Variants in MMP24 observed in about 807,000 individuals in gnomAD.
The protein encoded by MMP24 is matrix metallopeptidase 24, also known as matrix metalloproteinase-24.
MMP24 carries 25 observed loss-of-function variants against 62.8 expected under a neutral mutation model. The ratio of observed to expected loss-of-function variants is 0.40; its 90% CI spans 0.29 to 0.56. The LOEUF (loss-of-function observed/expected upper bound fraction) is 0.56, where lower values mean the gene tolerates loss of function less well. MMP24 is among the 20% of genes least tolerant of loss of function. The pLI, the probability that MMP24 is intolerant of heterozygous loss-of-function variation, is 0.50. For missense variants in MMP24, 634 were observed against 853.6 expected (o/e 0.74, Z 3.21); for synonymous variants, 319 against 350.5 (o/e 0.91, Z 1.00).
Position 35,263,950 on chromosome 20 carries a change from A to G in MMP24, c.977A>G (p.Tyr326Cys). 1 of 1,603,412 alleles carries G rather than the reference A, an allele frequency of 6.2e-7. No individual in the cohort carries two copies. Among genetic ancestry groups the G allele is most frequent in the Non-Finnish European group, 8.5e-7 (1 of 1,174,070 alleles). ...GATCTCCAGGGCATCCAGAAGATCTATGGTGTGTGGCAGGGAGAGGGGGGA... is the reference window on the plus strand; with the variant it reads ...GATCTCCAGGGCATCCAGAAGATCTGTGGTGTGTGGCAGGGAGAGGGGGGA... ...QDDLQGIQKI[Y>C]GPPAEPLEPT... The change falls in exon 5 of 9, where the codon TAT (tyrosine) becomes TGT (cysteine). Residue 326 changes from tyrosine to cysteine, a missense_variant and splice_region_variant. By Grantham distance (194) the Tyr-to-Cys change is radical. Coordinates refer to ENST00000246186, the MANE Select transcript of MMP24 (RefSeq NM_006690.4).
Position 35,263,841 on chromosome 20 carries a change from C to T in MMP24, c.868C>T (p.Leu290=), listed in dbSNP as rs762730417. The change falls in exon 5 of 9, where the codon CTG becomes TTG. Residue 290 remains leucine (L), a synonymous_variant. Coordinates refer to ENST00000246186, the MANE Select transcript of MMP24 (RefSeq NM_006690.4). Reference sequence around the variant, plus strand: ...GCATGAGCTGGGCCACGCGCTGGGACTGGAGCACTCCAGCGACCCCAGCGC... The same window carrying T: ...GCATGAGCTGGGCCACGCGCTGGGATTGGAGCACTCCAGCGACCCCAGCGC... The part of the protein sequence containing the change: ...AVHELGHALG[L]EHSSDPSAIM... The T allele has an allele frequency of 1.9e-6, 3 of 1,609,748 alleles. No homozygotes were observed. Among genetic ancestry groups the T allele is most frequent in the African/African-American group, 1.3e-5 (1 of 74,950 alleles).
At chr20:35,264,187 A>C in intron 5 of MMP24, 3 of 350,866 alleles carry the variant, frequency 8.6e-6, no homozygotes, top group Non-Finnish European at 1.0e-5. Context: ...AGAGGGACAA[A>C]AGTGAGGTGA....
chr20:35,247,736 CA>C (rs772891027), intron 2 of MMP24, among the ~76,000 whole-genome samples: 1 of 152,148 alleles, frequency 6.6e-6, no homozygotes, highest in Non-Finnish European at 1.5e-5. Context: ...TCAGTGGGGC[CA>C]GCCACTCCAG....
intron 8 of MMP24, among the ~76,000 whole-genome samples, chr20:35,273,425 G>A (rs114957443): frequency 0.017 from 2,628 of 152,052 alleles, 54 homozygotes; most frequent in African/African-American, 0.05. Flanking sequence ...ATAAATGCTG[G>A]GAGAGAGCAA....
At chr20:35,263,741 C>G in intron 4 of MMP24, 50 bp from the exon 5 acceptor site, 2 of 1,430,360 alleles carry the variant, frequency 1.4e-6, no homozygotes, top group Non-Finnish European at 9.2e-7. Flanking sequence ...GGCTGACCGA[C>G]TCATATCTAA....
chr20:35,242,612 C>G (rs781514307), intron 1 of MMP24, among the ~76,000 whole-genome samples: 8 of 152,084 alleles, frequency 5.3e-5, no homozygotes, highest in Non-Finnish European at 8.8e-5. Flanking sequence ...CAAGCTAAAG[C>G]CTAATAGAAA....
rs1437497333 is a variant in MMP24 at position 35,274,276 on chromosome 20, C to T, written c.1605C>T (p.Tyr535=). 6.2e-7 allele frequency: 1 copy of T among 1,607,194 alleles called. No individual in the cohort carries two copies. Among genetic ancestry groups the T allele is most frequent in the South Asian group, 1.1e-5 (1 of 90,630 alleles). ...QGAFISKEGY[Y]TYFYKGRDYW... ...TGCTGGGCTGTATTTCTGCAGATTA[C>T]ACCTATTTCTACAAGGGCCGGGACT... Residue 535 remains tyrosine (Y), a synonymous_variant, in exon 9 of 9, where the codon TAC becomes TAT. Transcript: ENST00000246186. The surrounding 1 kb of genome is among the most constrained non-coding windows in gnomAD (Gnocchi z 5.1).
At chr20:35,248,722 T>C (rs2060528694) in intron 2 of MMP24, among the ~76,000 whole-genome samples, 2 of 152,214 alleles carry the variant, frequency 1.3e-5, no homozygotes, top group Admixed American at 1.3e-4. Context: ...ATTATGAGTG[T>C]GAACTTCTTC....
intron 3 of MMP24, among the ~76,000 whole-genome samples, chr20:35,253,270 CTT>C (rs34474017): frequency 0.22 from 17,390 of 78,702 alleles, 1,408 homozygotes; most frequent in Middle Eastern, 0.31. Context: ...CAGAACGGGA[CTT>C]TTTTTTTTTT....
In MMP24 at chr20:35,226,905, C is replaced by T; in HGVS notation, c.167C>T (p.Ala56Val). ...LPGAARAAAAAAGAGNRAAVA... is the reference protein window; with the variant it reads ...LPGAARAAAAVAGAGNRAAVA... Reference sequence around the variant, plus strand: ...GGCGCCGCGCGGGCGGCGGCGGCGGCGGCGGGGGCAGGGAACCGGGCAGCG... The same window carrying T: ...GGCGCCGCGCGGGCGGCGGCGGCGGTGGCGGGGGCAGGGAACCGGGCAGCG... Residue 56 changes from alanine (A) to valine (V), a missense_variant, in exon 1 of 9, where the codon GCG becomes GTG. Ala to Val is a moderately conservative substitution (Grantham distance 64). This residue lies in a region of MMP24 where 212 missense variants were observed against 259.6 expected (regional missense o/e 0.82). Transcript: ENST00000246186. 1 of 980,312 alleles carries T rather than the reference C, an allele frequency of 1.0e-6. No homozygotes were observed. Among genetic ancestry groups the T allele is most frequent in the Non-Finnish European group, 1.2e-6 (1 of 828,456 alleles). The allele number at this position is 980,312 out of a possible 1,614,324, so 60.7% of individuals were successfully genotyped here.
At chr20:35,258,949 G>C (rs1465833806) in intron 4 of MMP24, among the ~76,000 whole-genome samples, 5 of 149,100 alleles carry the variant, frequency 3.4e-5, no homozygotes, top group Non-Finnish European at 5.9e-5. Context: ...GGAGGCCGAG[G>C]GGGGGCAGAT....
rs372733664 is a variant in MMP24 at position 35,254,533 on chromosome 20, C to T, written c.596C>T (p.Thr199Ile). 32 of 1,613,866 alleles carry T rather than the reference C, an allele frequency of 2.0e-5. No homozygotes were observed. Among genetic ancestry groups the T allele is most frequent in the East Asian group, 8.9e-5 (4 of 44,892 alleles). Reference protein sequence around the residue: ...RQAFDVWQKVTPLTFEEVPYH... With the variant: ...RQAFDVWQKVIPLTFEEVPYH... Reference sequence around the variant, plus strand: ...GCTTTCGATGTGTGGCAGAAGGTGACCCCACTGACCTTTGAAGAGGTGCCA... The same window carrying T: ...GCTTTCGATGTGTGGCAGAAGGTGATCCCACTGACCTTTGAAGAGGTGCCA... Residue 199 changes from threonine to isoleucine, a missense_variant, in exon 4 of 9, where the codon ACC becomes ATC. Physicochemically the swap from Thr to Ile is moderately conservative, Grantham distance 89. Transcript: ENST00000246186.
intron 1 of MMP24, among the ~76,000 whole-genome samples, chr20:35,242,153 G>A (rs1043760690): frequency 2.6e-5 from 4 of 152,088 alleles, no homozygotes; most frequent in African/African-American, 9.7e-5. Flanking sequence ...CCAAAATGGT[G>A]AAACCCCGTC....
intron 4 of MMP24, chr20:35,256,225 C>A (rs534367553): frequency 6.6e-6 from 1 of 152,186 alleles, no homozygotes; most frequent in African/African-American, 2.4e-5. Context: ...ATATTGCTAT[C>A]TTCATTTTAC....
intron 3 of MMP24, among the ~76,000 whole-genome samples, chr20:35,253,868 G>GTTTTTTT (rs11474068): frequency 0.038 from 4,954 of 129,704 alleles, 336 homozygotes; most frequent in African/African-American, 0.14. Context: ...TTTCCTTTGG[G>GTTTTTTT]TTTTTTTTTT....
intron 8 of MMP24, chr20:35,272,113 A>G (rs2060673722): frequency 3.9e-6 from 2 of 516,714 alleles, no homozygotes; most frequent in Non-Finnish European, 6.8e-6. Context: ...ACTTATCCTC[A>G]GTGTACTCCA....
Position 35,274,291 on chromosome 20 carries a change from G to A in MMP24, c.1620G>A (p.Lys540=), listed in dbSNP as rs762582225. 1.1e-5 allele frequency: 18 copies of A among 1,611,286 alleles called. No individual in the cohort carries two copies. The South Asian group carries it at 1.8e-4, about 16-fold the overall frequency. The change falls in exon 9 of 9, where the codon AAG becomes AAA. Residue 540 remains lysine (K), a synonymous_variant. Transcript: ENST00000246186. The surrounding 1 kb of genome is among the most constrained non-coding windows in gnomAD (Gnocchi z 5.1). ...CTGCAGATTACACCTATTTCTACAAGGGCCGGGACTACTGGAAGTTTGACA... is the reference window on the plus strand; with the variant it reads ...CTGCAGATTACACCTATTTCTACAAAGGCCGGGACTACTGGAAGTTTGACA... ...SKEGYYTYFY[K]GRDYWKFDNQ...
Position 35,276,628 on chromosome 20 carries a change from G to A in MMP24, c.*2019G>A. On this transcript the variant is annotated 3_prime_UTR_variant, in exon 9 of 9. Coordinates refer to ENST00000246186, the MANE Select transcript of MMP24 (RefSeq NM_006690.4). ...TGGTCCCTGTCCACTCCTCAGGTTGGTGCTCTCACTTCTTGAAAGCTCTAG... is the reference window on the plus strand; with the variant it reads ...TGGTCCCTGTCCACTCCTCAGGTTGATGCTCTCACTTCTTGAAAGCTCTAG... The A allele has an allele frequency of 4.5e-6, 1 of 220,506 alleles. No homozygotes were observed. The highest frequency in any genetic ancestry group is 8.9e-6 in the Non-Finnish European group (1 of 112,638). The allele number at this position is 220,506 out of a possible 1,614,324, so 13.7% of individuals were successfully genotyped here. A position where few individuals can be genotyped will look rare whatever the true frequency, so the allele number is the denominator to read the frequency against.
rs998779111 is a variant in MMP24, at chr20:35,269,950, C to T, written c.1333+52C>T. 5.8e-6 allele frequency: 9 copies of T among 1,546,128 alleles called. No individual in the cohort carries two copies. The South Asian group carries it at 9.6e-5, about 16-fold the overall frequency. On this transcript the variant is annotated intron_variant, in intron 7 of 8. Transcript: ENST00000246186. This position sits in a 1 kb window ranked among gnomAD's most constrained non-coding sequence, Gnocchi z 4.6. ...TTCCCTGCCCAAGGTCTTGGGACCT[C>T]CTTTTTCCCATCTAAACTGGAAGAG...
Sources: gnomAD v4.1 joint callset for allele counts (sites outside exome capture counted in the v4.1 genomes callset) on GRCh38, gnomAD v4.1.1 for gene constraint, gnomAD v4.1.1 regional missense constraint, Gnocchi (gnomAD v3.1) non-coding constraint, MANE v1.5 for transcripts, NCBI Gene and HGNC (gene_info 2026-07-23, HGNC 2026-07-21) for gene names.